DPP4: variants seen among roughly 807,000 people sequenced by gnomAD.
DPP4 encodes the protein dipeptidyl peptidase 4.
Under a neutral mutation model 122.4 loss-of-function variants are expected in DPP4, and 93 were observed. The observed-to-expected ratio is 0.76, with a 90% CI of 0.64 to 0.90. The LOEUF is 0.90. DPP4 is among the 40% of genes least tolerant of loss of function. DPP4 has a pLI of 0.00. For missense variants in DPP4, 914 were observed against 907.3 expected (o/e 1.01, Z -0.09); for synonymous variants, 321 against 302.9 (o/e 1.06, Z -0.62).
chr2:162,020,303 G>GTTTTT lies in DPP4; in HGVS notation c.1177-12_1177-8dup. On this transcript the variant is annotated splice_polypyrimidine_tract_variant and splice_region_variant and intron_variant, in intron 13 of 25. Coordinates refer to ENST00000360534, the MANE Select transcript of DPP4 (RefSeq NM_001935.4). ...TTGTAATAAATGTGCAGTCCTGATG[G>GTTTTT]TTTTTTTTTTTTTTCAAAAAAAAAA... 2.4e-4 allele frequency: 284 copies of GTTTTT among 1,190,848 alleles called. No homozygotes were observed. Among genetic ancestry groups the GTTTTT allele is most frequent in the East Asian group, 6.2e-4 (22 of 35,524 alleles). The allele number at this position is 1,190,848 out of a possible 1,614,324, so 73.8% of individuals were successfully genotyped here.
chr2:162,033,862 G>GTATATATATATATA (rs138320647), intron 9 of DPP4, among the ~76,000 whole-genome samples: 5,460 of 103,286 alleles, frequency 0.053, 240 homozygotes, highest in East Asian at 0.11. Flanking sequence ...CAGAATATGT[G>GTATATATATATATA]TATATATATA....
intron 2 of DPP4, among the ~76,000 whole-genome samples, chr2:162,062,502 C>CT (rs773551042): frequency 2.2e-4 from 34 of 152,160 alleles, no homozygotes; most frequent in Non-Finnish European, 8.8e-5. Context: ...GAGTTGTCAG[C>CT]TGGAGGCTCT....
chr2:162,035,280 C>T lies in DPP4; in HGVS notation c.658G>A (p.Gly220Ser), dbSNP rs1265864737. ...AYSALWWSPNGTFLAYAQFND... is the reference protein window; with the variant it reads ...AYSALWWSPNSTFLAYAQFND... ...AATTGGGCATATGCTAAAAAAGTGC[C>T]GTTTGGAGACCACCACAGAGCAGAG... is the stretch of plus-strand genomic sequence containing the variant. The change falls in exon 9 of 26, where the codon GGC becomes AGC. Residue 220 changes from glycine (G) to serine (S), a missense_variant. Transcript: ENST00000360534. 6.2e-7 allele frequency: 1 copy of T among 1,613,920 alleles called. No homozygotes were observed. Among genetic ancestry groups the T allele is most frequent in the Non-Finnish European group, 8.5e-7 (1 of 1,179,924 alleles).
chr2:162,053,624 T>G (rs1197091062), intron 2 of DPP4, among the ~76,000 whole-genome samples: 1 of 152,188 alleles, frequency 6.6e-6, no homozygotes, highest in African/African-American at 2.4e-5. Flanking sequence ...TGCACCTCCT[T>G]GTCTCTGCTG....
At chr2:162,048,915 G>A (rs1414481549) in intron 2 of DPP4, among the ~76,000 whole-genome samples, 1 of 152,182 alleles carries the variant, frequency 6.6e-6, no homozygotes, top group Non-Finnish European at 1.5e-5. Flanking sequence ...CAATTCCACA[G>A]TAGGCACACA....
intron 9 of DPP4, among the ~76,000 whole-genome samples, chr2:162,034,055 G>A (rs1683675109): frequency 2.0e-5 from 3 of 151,832 alleles, no homozygotes; most frequent in Admixed American, 2.0e-4. Flanking sequence ...AGTCTTTGAT[G>A]CCTGTCAGTA....
rs749568437 is a variant in DPP4 at position 162,020,581 on chromosome 2, T to A, written c.1176A>T (p.Lys392Asn). The change falls in exon 13 of 26, where the codon AAA becomes AAT. Residue 392 changes from lysine (K) to asparagine (N), a missense_variant and splice_region_variant. Lys to Asn is a moderately conservative substitution (Grantham distance 94, BLOSUM62 0). Transcript: ENST00000360534. The part of the protein sequence containing the change: ...RHICYFQIDK[K>N]DCTFITKGTW... ...AAATAAAATATGTAAGAATACTCAC[T>A]TTTTTATCTATTTGGAAATAGCAAA... 1.9e-6 allele frequency: 3 copies of A among 1,595,856 alleles called. No individual in the cohort carries two copies. The highest frequency in any genetic ancestry group is 2.6e-6 in the Non-Finnish European group (3 of 1,173,384).
At chr2:162,046,132 G>C (rs1214729728) in intron 4 of DPP4, among the ~76,000 whole-genome samples, 1 of 152,174 alleles carries the variant, frequency 6.6e-6, no homozygotes, top group Non-Finnish European at 1.5e-5. Context: ...TGACACAGTG[G>C]CTGAAATGAG....
At chr2:162,045,470 G>T (rs878896888) in intron 5 of DPP4, 62 bp downstream of exon 5, 7 of 1,241,998 alleles carry the variant, frequency 5.6e-6, no homozygotes, top group Admixed American at 3.5e-5. Flanking sequence ...ACTTGAAATC[G>T]GTTATAACAT....
chr2:162,024,734 C>G, intron 11 of DPP4, 70 bp downstream of exon 11: 2 of 1,542,166 alleles, frequency 1.3e-6, no homozygotes, highest in South Asian at 2.5e-5. Flanking sequence ...CCAGCCTTCA[C>G]TCTCCCCAAC....
At chr2:162,019,140 G>GAC in intron 15 of DPP4, 83 bp downstream of exon 15, 2 of 1,285,332 alleles carry the variant, frequency 1.6e-6, no homozygotes, top group Non-Finnish European at 2.2e-6. Flanking sequence ...TATTAGTTAG[G>GAC]ACAAGGCAAA....
intron 5 of DPP4, among the ~76,000 whole-genome samples, chr2:162,043,220 C>T (rs113963647): frequency 8.4e-4 from 128 of 152,114 alleles, no homozygotes; most frequent in African/African-American, 2.6e-3. Flanking sequence ...GCAGATGAGA[C>T]GAGAAGCTCT....
intron 19 of DPP4, among the ~76,000 whole-genome samples, chr2:162,012,384 A>G (rs1031222736): frequency 6.6e-6 from 1 of 151,832 alleles, no homozygotes; most frequent in Admixed American, 6.6e-5. Flanking sequence ...TTAACACAAT[A>G]CTCCTGGACT....
chr2:162,054,479 G>T, intron 2 of DPP4, among the ~76,000 whole-genome samples: 1 of 152,194 alleles, frequency 6.6e-6, no homozygotes, highest in East Asian at 1.9e-4. Flanking sequence ...ATTCAAGGGT[G>T]AATGCTATGG....
intron 12 of DPP4, chr2:162,021,343 A>AT (rs1199483728): frequency 6.6e-6 from 1 of 152,124 alleles, no homozygotes; most frequent in Non-Finnish European, 1.5e-5. Flanking sequence ...ACAAATTTCC[A>AT]TTTTTTTACA....
intron 10 of DPP4, among the ~76,000 whole-genome samples, chr2:162,026,167 A>G (rs888494003): frequency 6.6e-6 from 1 of 152,078 alleles, no homozygotes; most frequent in Non-Finnish European, 1.5e-5. Flanking sequence ...TAATCACACA[A>G]CAGACATTTA....
intron 25 of DPP4, among the ~76,000 whole-genome samples, 182 bp from the exon 26 acceptor site, chr2:161,993,566 T>A (rs1254879872): frequency 1.3e-5 from 2 of 152,214 alleles, no homozygotes; most frequent in Non-Finnish European, 2.9e-5. Context: ...CCCCAGAGCT[T>A]TTCCAGGGCA....
chr2:161,995,141 A>T, intron 24 of DPP4, 107 bp from the exon 25 acceptor site: 1 of 1,373,334 alleles, frequency 7.3e-7, no homozygotes, highest in Non-Finnish European at 1.0e-6. Context: ...AAGTTCTAGG[A>T]CTCAGCATCC....
At chr2:162,068,596 G>A (rs1685021992) in intron 2 of DPP4, among the ~76,000 whole-genome samples, 1 of 152,142 alleles carries the variant, frequency 6.6e-6, no homozygotes, top group South Asian at 2.1e-4. Flanking sequence ...CCACTTCTGA[G>A]GCTAGGTCAT....
Sources: allele counts gnomAD v4.1 joint callset (sites outside exome capture counted in the v4.1 genomes callset), GRCh38; gene constraint gnomAD v4.1.1; transcripts MANE v1.5; gene names NCBI Gene and HGNC (gene_info 2026-07-23, HGNC 2026-07-21).